The following DST variants were observed in gnomAD, a reference collection of about 807,000 sequenced individuals.
DST encodes bullous pemphigoid antigen.
In DST, 253 loss-of-function variants were observed where a neutral mutation model predicts 875.2. That is an observed-to-expected ratio of 0.29 (90% CI 0.26 to 0.32). The LOEUF is 0.32. Ranked by LOEUF, DST falls within the 10% of genes least tolerant of loss-of-function variation. The pLI is 1.00. For synonymous variants in DST, 3,124 were observed against 3,197.1 expected, an observed-to-expected ratio of 0.98 and a Z score of 0.77; for missense variants, 8,287 against 9,111.6, an observed-to-expected ratio of 0.91 and a Z score of 3.68.
chr6:56,568,162 A>G (rs1260670977), intron 55 of DST, among the ~76,000 whole-genome samples: 1 of 152,210 alleles, frequency 6.6e-6, no homozygotes, highest in Non-Finnish European at 1.5e-5. Context: ...CATTTAATTA[A>G]GGTAAAAAGC....
chr6:56,696,599 T>C (rs923934598), intron 9 of DST, among the ~76,000 whole-genome samples: 1 of 152,182 alleles, frequency 6.6e-6, no homozygotes, highest in South Asian at 2.1e-4. Context: ...AGCCTCTAAA[T>C]ACACTGCTTC....
intron 78 of DST, among the ~76,000 whole-genome samples, chr6:56,502,998 C>T (rs1401494060): frequency 1.3e-5 from 2 of 152,098 alleles, no homozygotes; most frequent in Non-Finnish European, 2.9e-5. Flanking sequence ...GCCACTTTCA[C>T]ATCTGCAGAT....
chr6:56,532,588 T>C lies in DST; in HGVS notation c.16942-78A>G, dbSNP rs750244784. 3.9e-4 allele frequency: 532 copies of C among 1,360,328 alleles called. 1 individual carries two copies. The highest frequency in any genetic ancestry group is 6.9e-4 in the South Asian group (50 of 72,038). The allele number at this position is 1,360,328 out of a possible 1,614,324, so 84.3% of individuals were successfully genotyped here. A position where few individuals can be genotyped will look rare whatever the true frequency, so the allele number is the denominator to read the frequency against. ...AAAGTACAATGTATTCTAAGTACAT[T>C]TGAAGTATGACAAAAATGTATTTTG... On this transcript the variant is annotated intron_variant, in intron 63 of 103. Coordinates refer to ENST00000680361, the MANE Select transcript of DST (RefSeq NM_001374736.1).
chr6:56,887,502 A>G (rs1785161005), intron 3 of DST, among the ~76,000 whole-genome samples: 1 of 152,204 alleles, frequency 6.6e-6, no homozygotes, highest in African/African-American at 2.4e-5. Flanking sequence ...TTAGAGGTGA[A>G]ATAATAAACT....
At position 56,594,001 on chromosome 6, in the gene DST, G is replaced by C. The variant is rs772590922; in HGVS notation, c.12388C>G (p.His4130Asp). ...AESEKKMKLT[H>D]SLQEELEKFD... ...TTTTCTAATTCTTCCTGCAGAGAGT[G>C]AGTTAACTTCATTTTCTTCTCTGAC... The change falls in exon 48 of 104, where the codon CAC becomes GAC. Residue 4130 changes from histidine (H) to aspartate (D), a missense_variant. Physicochemically the swap from His to Asp is moderately conservative, Grantham distance 81. Transcript: ENST00000680361. 9.9e-6 allele frequency: 16 copies of C among 1,613,740 alleles called. No individual in the cohort carries two copies. Among genetic ancestry groups the C allele is most frequent in the East Asian group, 4.5e-5 (2 of 44,878 alleles).
chr6:56,946,924 G>A (rs945649136), intron 2 of DST, among the ~76,000 whole-genome samples: 1 of 152,140 alleles, frequency 6.6e-6, no homozygotes, highest in Non-Finnish European at 1.5e-5. Flanking sequence ...TTTACATAAT[G>A]AATTACCTGC....
At position 56,477,746 on chromosome 6, in the gene DST, T is replaced by C. The variant is rs529555922; in HGVS notation, c.21532-258A>G. On this transcript the variant is annotated intron_variant, in intron 90 of 103. Coordinates refer to ENST00000680361, the MANE Select transcript of DST (RefSeq NM_001374736.1). ...GTTGGTTCCAGGATACCGTGCATAATAAAATCCAATGATGCTCAAGTCCCT... is the reference window on the plus strand; with the variant it reads ...GTTGGTTCCAGGATACCGTGCATAACAAAATCCAATGATGCTCAAGTCCCT... Among the ~76,000 whole-genome samples the C allele has an allele frequency of 2.6e-5, 4 of 152,288 alleles. No homozygotes were observed. In the South Asian group the frequency reaches 8.3e-4, roughly 32 times the overall value.
intron 10 of DST, among the ~76,000 whole-genome samples, chr6:56,666,321 C>T (rs2099072148): frequency 6.6e-6 from 1 of 152,044 alleles, no homozygotes; most frequent in African/African-American, 2.4e-5. Context: ...GTGAAGGATG[C>T]TATTGCTCTG....
chr6:56,556,421 C>A (rs1032547972), intron 59 of DST, among the ~76,000 whole-genome samples: 1 of 152,062 alleles, frequency 6.6e-6, no homozygotes, highest in Non-Finnish European at 1.5e-5. Flanking sequence ...AAATCTCATT[C>A]TTTTAGTATC....
chr6:56,567,976 C>CTT (rs2097710948), intron 55 of DST, among the ~76,000 whole-genome samples: 1 of 152,110 alleles, frequency 6.6e-6, no homozygotes, highest in South Asian at 2.1e-4. Flanking sequence ...TCACATACTG[C>CTT]ATAATTGTTT....
At chr6:56,517,733 T>C (rs908509096) in intron 69 of DST, 113 bp from the exon 70 acceptor site, 40 of 1,270,646 alleles carry the variant, frequency 3.1e-5, no homozygotes, top group Non-Finnish European at 4.1e-5. Flanking sequence ...TCCGAGCTTG[T>C]CTCCTCATGG....
intron 2 of DST, among the ~76,000 whole-genome samples, chr6:56,912,958 G>A (rs1388505228): frequency 6.6e-6 from 1 of 152,142 alleles, no homozygotes; most frequent in Non-Finnish European, 1.5e-5. Context: ...CCACAGAGCT[G>A]GTGGCAAAAT....
chr6:56,637,705 C>T (rs1185516294), intron 22 of DST, among the ~76,000 whole-genome samples: 2 of 152,100 alleles, frequency 1.3e-5, no homozygotes, highest in African/African-American at 2.4e-5. Context: ...ATACCTCCTT[C>T]CTCAAGGAAA....
chr6:56,603,987 T>C lies in DST; in HGVS notation c.10641A>G (p.Val3547=), dbSNP rs1470987955. ...TAGAGCTTTCTAGTCCAATTTCTTTTACAGTTTCTAAATTAGGAGAATAGT... is the reference window on the plus strand; with the variant it reads ...TAGAGCTTTCTAGTCCAATTTCTTTCACAGTTTCTAAATTAGGAGAATAGT... ...GNYYSPNLET[V]KEIGLESSTV... is the part of the protein sequence containing the mutation. The change falls in exon 40 of 104, where the codon GTA becomes GTG. Residue 3547 remains valine (V), a synonymous_variant. Coordinates refer to ENST00000680361, the MANE Select transcript of DST (RefSeq NM_001374736.1). 2.5e-6 allele frequency: 4 copies of C among 1,608,480 alleles called. No individual in the cohort carries two copies. The highest frequency in any genetic ancestry group is 2.5e-6 in the Non-Finnish European group (3 of 1,176,886).
At chr6:56,701,849 ATATATT>A (rs1373266744) in intron 8 of DST, 33 bp downstream of exon 8, 1 of 1,268,218 alleles carries the variant, frequency 7.9e-7, no homozygotes, top group Admixed American at 1.8e-5. Flanking sequence ...TATTAGTAAC[ATATATT>A]TATATGATTA....
At chr6:56,700,151 C>G (rs1207417808) in intron 8 of DST, among the ~76,000 whole-genome samples, 1 of 152,148 alleles carries the variant, frequency 6.6e-6, no homozygotes, top group Non-Finnish European at 1.5e-5. Flanking sequence ...TTTGAGGGAT[C>G]TAGGTTGCGC....
rs114767165 is a variant in DST, at chr6:56,840,644, C to T, written c.625+10753G>A. ...TTTGCTCAGAAGTAATGGACCAAAA[C>T]AAGATACAAGAATAGACTGACTACA... On this transcript the variant is annotated intron_variant, in intron 4 of 103. Coordinates refer to ENST00000680361, the MANE Select transcript of DST (RefSeq NM_001374736.1). Among the ~76,000 whole-genome samples, 501 of 152,242 alleles carry T rather than the reference C, an allele frequency of 3.3e-3. 3 individuals are homozygous for T. The highest frequency in any genetic ancestry group is 0.012 in the African/African-American group (486 of 41,552).
intron 3 of DST, among the ~76,000 whole-genome samples, chr6:56,876,622 A>G (rs771979751): frequency 6.6e-6 from 1 of 152,250 alleles, no homozygotes; most frequent in Admixed American, 6.5e-5. Flanking sequence ...ATCTTGGATC[A>G]GTTGAAACAT....
Position 56,640,260 on chromosome 6 carries a change from C to T in DST, c.2373G>A (p.Lys791=), listed in dbSNP as rs764052578. ...GAAGGGGTTTTCGGATCTGCATCAA[C>T]TTCAAAGTTTGCAATGAATTTGGCT... ...GVEPNSLQTL[K]LMQIRKPLLK... is the part of the protein sequence containing the mutation. Residue 791 remains lysine (K), a synonymous_variant, in exon 18 of 104, where the codon AAG becomes AAA. Coordinates refer to ENST00000680361, the MANE Select transcript of DST (RefSeq NM_001374736.1). 1 of 1,614,166 alleles carries T rather than the reference C, an allele frequency of 6.2e-7. No individual in the cohort carries two copies.
Sources: allele counts gnomAD v4.1 joint callset (sites outside exome capture counted in the v4.1 genomes callset), GRCh38; gene constraint gnomAD v4.1.1; transcripts MANE v1.5; gene names NCBI Gene and HGNC (gene_info 2026-07-23, HGNC 2026-07-21).